Variants in MZT2A observed in about 807,000 individuals in gnomAD.
The protein encoded by MZT2A is mitotic spindle organizing protein 2A.
Under a neutral mutation model 12.4 loss-of-function variants are expected in MZT2A, and 8 were observed. The ratio of observed to expected loss-of-function variants is 0.64; its 90% CI spans 0.38 to 1.16. MZT2A has a LOEUF of 1.16. Among genes scored for constraint, MZT2A ranks in the 50% most tolerant of loss-of-function variants. The pLI is 0.01. For missense variants in MZT2A, 181 were observed against 223.6 expected, an observed-to-expected ratio of 0.81 and a Z score of 1.22; for synonymous variants, 88 against 107.5, an observed-to-expected ratio of 0.82 and a Z score of 1.12.
intron 2 of MZT2A, 116 bp downstream of exon 2, chr2:131,491,760 G>A: frequency 7.8e-7 from 1 of 1,274,740 alleles, no homozygotes; most frequent in Non-Finnish European, 1.0e-6. Flanking sequence ...GCTGGGCCTA[G>A]ACCGACCGAC....
At chr2:131,483,732 ACAAAC>A (rs979730212), downstream of MZT2A, among the ~76,000 whole-genome samples, 8 of 142,320 alleles carry the variant, frequency 5.6e-5, no homozygotes, top group African/African-American at 2.4e-4. Context: ...AAACAAACAA[ACAAAC>A]AAAAAACCTC....
chr2:131,474,237 G>A (rs546830398), intron 2 of MZT2A, among the ~76,000 whole-genome samples: 2 of 150,868 alleles, frequency 1.3e-5, no homozygotes, highest in East Asian at 2.0e-4. Flanking sequence ...AGCTGGGACT[G>A]CAGGCACCCG....
chr2:131,492,637 C>T, upstream of MZT2A: 1 of 1,236,882 alleles, frequency 8.1e-7, no homozygotes, highest in Non-Finnish European at 1.0e-6. Flanking sequence ...CAGGGCGTCC[C>T]TGATAGACTT....
intron 3 of MZT2A, among the ~76,000 whole-genome samples, chr2:131,470,623 G>T (rs1216036102): frequency 6.6e-6 from 1 of 152,192 alleles, no homozygotes; most frequent in Non-Finnish European, 1.5e-5. Flanking sequence ...AGGACAGCTG[G>T]CTCTGTAATG....
rs1679359089 is a variant in MZT2A, at chr2:131,492,299, C to T, written c.78G>A (p.Ala26=). The part of the protein sequence containing the change: ...PGLEAARQKL[A]LRRKKVLSTE... ...TGCTCAGCACCTTCTTGCGCCGCAG[C>T]GCCAGCTTCTGCCGGGCCGCCTCCA... The change falls in exon 1 of 3, where the codon GCG becomes GCA. Residue 26 remains alanine, a synonymous_variant. Coordinates refer to ENST00000309451, the MANE Select transcript of MZT2A (RefSeq NM_001085365.2). The T allele has an allele frequency of 1.3e-6, 2 of 1,549,452 alleles. No homozygotes were observed. Among genetic ancestry groups the T allele is most frequent in the Non-Finnish European group, 8.6e-7 (1 of 1,156,982 alleles).
chr2:131,489,772 C>T (rs1195233612), intron 2 of MZT2A: 11 of 785,112 alleles, frequency 1.4e-5, no homozygotes, highest in Non-Finnish European at 1.5e-5. Context: ...CTTGACTTCC[C>T]GAAGTGCTGG....
At chr2:131,487,429 G>A (rs941324976) in intron 2 of MZT2A, among the ~76,000 whole-genome samples, 1 of 152,180 alleles carries the variant, frequency 6.6e-6, no homozygotes. Context: ...AGTGAGCTAT[G>A]AGTGTGCCAC....
rs368959769 is a variant in MZT2A, at chr2:131,484,156, C to A, written c.382G>T (p.Glu128Ter). The change falls in exon 3 of 3, where the codon GAG becomes TAG. Residue 128 changes from glutamate to a stop codon, truncating the protein, a stop_gained. Transcript: ENST00000309451. LOFTEE classifies it high-confidence loss of function. ...CGTGGCATCCTCTGGCTGGATCCCT[C>A]GTGGTTGCTGCGTTCCGCCAGGGCC... ...VLALAERSNHEGSSQRMPRQP... is the reference protein window; with the variant it reads ...VLALAERSNH 1 of 1,614,124 alleles carries A rather than the reference C, an allele frequency of 6.2e-7. No homozygotes were observed. The highest frequency in any genetic ancestry group is 8.5e-7 in the Non-Finnish European group (1 of 1,179,994).
At chr2:131,485,207 C>A (rs768307116) in intron 2 of MZT2A, among the ~76,000 whole-genome samples, 1 of 152,130 alleles carries the variant, frequency 6.6e-6, no homozygotes, top group Non-Finnish European at 1.5e-5. Flanking sequence ...GTGTTGGGTC[C>A]CCCATTTCAT....
chr2:131,478,130 A>G, intron 2 of MZT2A: 1 of 1,596,436 alleles, frequency 6.3e-7, no homozygotes. Flanking sequence ...TTGCCTTGAA[A>G]TGAATGGGTT....
chr2:131,490,076 T>G, intron 2 of MZT2A: 1 of 839,190 alleles, frequency 1.2e-6, no homozygotes, highest in Non-Finnish European at 1.4e-6. Context: ...CACCCTCTCT[T>G]GGGCCTGAGC....
intron 2 of MZT2A, among the ~76,000 whole-genome samples, chr2:131,475,824 G>A (rs1037052475): frequency 5.3e-5 from 8 of 152,136 alleles, no homozygotes; most frequent in African/African-American, 1.7e-4. Context: ...CAATCAGGGA[G>A]GGGCAGTGGC....
chr2:131,492,197 C>G lies in MZT2A; in HGVS notation c.170+10G>C. Reference sequence around the variant, plus strand: ...CTGGCGAGCATGCGGCCCCCACCCGCCCCGCTCACTTGAACACGTCGGGGT... The same window carrying G: ...CTGGCGAGCATGCGGCCCCCACCCGGCCCGCTCACTTGAACACGTCGGGGT... On this transcript the variant is annotated intron_variant, in intron 1 of 2. Transcript: ENST00000309451. The G allele has an allele frequency of 6.4e-7, 1 of 1,562,276 alleles. No individual in the cohort carries two copies. Among genetic ancestry groups the G allele is most frequent in the South Asian group, 1.2e-5 (1 of 84,892 alleles).
intron 2 of MZT2A, among the ~76,000 whole-genome samples, chr2:131,485,561 A>G (rs1426543735): frequency 1.3e-5 from 2 of 152,036 alleles, no homozygotes; most frequent in Non-Finnish European, 2.9e-5. Flanking sequence ...CTTTGGACTG[A>G]CCACCCTGGC....
At chr2:131,482,584 C>A (rs772685795), downstream of MZT2A, 1 of 1,612,690 alleles carries the variant, frequency 6.2e-7, no homozygotes, top group African/African-American at 1.3e-5. Flanking sequence ...CCACAGTGGT[C>A]CCCGGGGGAG....
intron 2 of MZT2A, chr2:131,490,110 C>T (rs1679227581): frequency 5.6e-6 from 4 of 720,616 alleles, no homozygotes; most frequent in Non-Finnish European, 6.8e-6. Context: ...GAGGTGGCCG[C>T]TGTCAGGAGG....
Position 131,491,629 on chromosome 2 carries a change from A to T in MZT2A, c.319+247T>A, listed in dbSNP as rs1679311454. On this transcript the variant is annotated intron_variant, in intron 2 of 2. Coordinates refer to ENST00000309451, the MANE Select transcript of MZT2A (RefSeq NM_001085365.2). ...GAAGAGGTGGGGAGGAGCTAAGCGGAGGAGCCCTACCCAGCCTGGACCACC... is the reference window on the plus strand; with the variant it reads ...GAAGAGGTGGGGAGGAGCTAAGCGGTGGAGCCCTACCCAGCCTGGACCACC... 6.4e-6 allele frequency: 4 copies of T among 628,478 alleles called. No individual in the cohort carries two copies. The African/African-American group carries it at 7.7e-5, about 12-fold the overall frequency. The allele number at this position is 628,478 out of a possible 1,614,324, so 38.9% of individuals were successfully genotyped here. A position where few individuals can be genotyped will look rare whatever the true frequency, so the allele number is the denominator to read the frequency against.
At chr2:131,476,924 C>A (rs1317221672) in intron 2 of MZT2A, among the ~76,000 whole-genome samples, 1 of 144,136 alleles carries the variant, frequency 6.9e-6, no homozygotes, top group Non-Finnish European at 1.5e-5. Context: ...CACAGAGACC[C>A]TGCCTCAAAG....
At chr2:131,481,330 G>A (rs1678858633), downstream of MZT2A, among the ~76,000 whole-genome samples, 1 of 151,964 alleles carries the variant, frequency 6.6e-6, no homozygotes, top group African/African-American at 2.4e-5. Context: ...GTATAGTAGT[G>A]TGATCTTGGC....
Sources: allele counts gnomAD v4.1 joint callset (sites outside exome capture counted in the v4.1 genomes callset), GRCh38; gene constraint gnomAD v4.1.1; transcripts MANE v1.5; gene names NCBI Gene and HGNC (gene_info 2026-07-23, HGNC 2026-07-21).